MEIG1: variants seen among roughly 807,000 people sequenced by gnomAD.
MEIG1 encodes the protein meiosis/spermiogenesis associated 1, also known as meiosis expressed gene 1 protein homolog.
In MEIG1, 12 loss-of-function variants were observed where a neutral mutation model predicts 11.3. The observed-to-expected ratio is 1.07, with a 90% confidence interval of 0.68 to 1.73. The LOEUF (loss-of-function observed/expected upper bound fraction) is 1.73, where lower values mean the gene tolerates loss of function less well. Among genes scored for constraint, MEIG1 ranks in the 40% most tolerant of loss-of-function variants. MEIG1 has a pLI of 0.00. For synonymous variants in MEIG1, 41 were observed against 33.2 expected (o/e 1.24, Z -0.81); for missense variants, 119 against 104.9 (o/e 1.13, Z -0.59).
intron 1 of MEIG1, among the ~76,000 whole-genome samples, chr10:14,985,918 C>G (rs564774972): frequency 1.3e-5 from 2 of 152,010 alleles, no homozygotes; most frequent in Non-Finnish European, 2.9e-5. Context: ...GGTGTGTACA[C>G]CCTTGATATT....
intron 2 of MEIG1, among the ~76,000 whole-genome samples, chr10:14,967,076 A>T (rs1408390050): frequency 6.6e-6 from 1 of 152,028 alleles, no homozygotes; most frequent in Admixed American, 6.6e-5. Flanking sequence ...CAGAAGAATG[A>T]TTTGCAGGCA....
chr10:14,983,500 G>A (rs1843285683), intron 1 of MEIG1, among the ~76,000 whole-genome samples: 6 of 152,040 alleles, frequency 3.9e-5, no homozygotes, highest in Admixed American at 3.9e-4. Flanking sequence ...AATATCCATG[G>A]AGAGGAGAGG....
intron 2 of MEIG1, among the ~76,000 whole-genome samples, chr10:14,969,811 G>A (rs1411806395): frequency 6.6e-6 from 1 of 152,184 alleles, no homozygotes. Flanking sequence ...ACTCCAGCCT[G>A]GGCGACAGAG....
upstream of MEIG1, among the ~76,000 whole-genome samples, chr10:14,956,656 A>G (rs1038334868): frequency 6.6e-6 from 1 of 152,226 alleles, no homozygotes; most frequent in African/African-American, 2.4e-5. Context: ...AGCTGCTGCA[A>G]TACTGCAGGA....
At chr10:14,975,123 G>A (rs774393111), downstream of MEIG1, among the ~76,000 whole-genome samples, 22 of 152,080 alleles carry the variant, frequency 1.4e-4, no homozygotes, top group Non-Finnish European at 2.8e-4. Flanking sequence ...GCATCCACCC[G>A]GTGATGTTCC....
At chr10:14,972,349 T>G (rs1395131255) in intron 2 of MEIG1, among the ~76,000 whole-genome samples, 164 bp from the exon 3 acceptor site, 1 of 152,224 alleles carries the variant, frequency 6.6e-6, no homozygotes, top group African/African-American at 2.4e-5. Context: ...GGCTGCAATG[T>G]AAGATGTGTC....
intron 2 of MEIG1, among the ~76,000 whole-genome samples, chr10:14,968,358 T>C (rs1376698403): frequency 6.6e-6 from 1 of 152,022 alleles, no homozygotes; most frequent in Non-Finnish European, 1.5e-5. Context: ...CATGGTGGCA[T>C]GCACCTGTAG....
chr10:14,960,307 G>A (rs896616702), intron 1 of MEIG1, among the ~76,000 whole-genome samples: 1 of 152,360 alleles, frequency 6.6e-6, no homozygotes, highest in East Asian at 1.9e-4. Flanking sequence ...AAGTAAAAGC[G>A]CTTTTCAGAG....
chr10:14,975,853 C>T (rs1843204402), downstream of MEIG1, among the ~76,000 whole-genome samples: 1 of 152,090 alleles, frequency 6.6e-6, no homozygotes, highest in Non-Finnish European at 1.5e-5. Flanking sequence ...GATACTACAC[C>T]CAATGCCGCT....
chr10:14,977,662 C>A (rs371973963), downstream of MEIG1, among the ~76,000 whole-genome samples: 1 of 151,432 alleles, frequency 6.6e-6, no homozygotes, highest in East Asian at 2.0e-4. Flanking sequence ...GTGGGTGTAC[C>A]CCATGTGGGT....
At chr10:14,981,728 G>C (rs779902839) in intron 1 of MEIG1, among the ~76,000 whole-genome samples, 3 of 152,146 alleles carry the variant, frequency 2.0e-5, no homozygotes, top group East Asian at 1.9e-4. Flanking sequence ...GAGTCATCTT[G>C]TTTTCTTTTG....
In MEIG1 at chr10:14,960,165, ATGGCCTTGCC is replaced by A. The variant is rs567012794; in HGVS notation, c.-30+610_-30+619del. ...TTAGGAAACAGGCGCAGGCGTGTTC[ATGGCCTTGCC>A]TAAGGTTACGTGCTGGTTACAGGGC... On this transcript the variant is annotated intron_variant, in intron 1 of 2. Coordinates refer to ENST00000407572, the MANE Select transcript of MEIG1 (RefSeq NM_001080836.3). 2.6e-5 allele frequency among the ~76,000 whole-genome samples: 4 copies of A among 152,318 alleles called. No individual in the cohort carries two copies. The South Asian group carries it at 8.3e-4, about 32-fold the overall frequency.
At chr10:14,973,076 G>C (rs1589212586), downstream of MEIG1, among the ~76,000 whole-genome samples, 1 of 151,990 alleles carries the variant, frequency 6.6e-6, no homozygotes, top group African/African-American at 2.4e-5. Context: ...ACGTTGGCCA[G>C]GGTGGTCTCA....
At chr10:14,956,950 G>A (rs1253776752), upstream of MEIG1, among the ~76,000 whole-genome samples, 1 of 152,110 alleles carries the variant, frequency 6.6e-6, no homozygotes, top group African/African-American at 2.4e-5. Context: ...CAACTACTTG[G>A]GAGCTGAGGC....
intron 1 of MEIG1, among the ~76,000 whole-genome samples, chr10:14,977,900 T>C (rs778758628): frequency 3.3e-5 from 5 of 151,940 alleles, no homozygotes; most frequent in Non-Finnish European, 5.9e-5. Flanking sequence ...ATTCGTAATA[T>C]CCTAGAAAGA....
rs1843084874 is a variant in MEIG1, at chr10:14,966,436, T to C, written c.-29-4T>C. 6.4e-7 allele frequency: 1 copy of C among 1,563,858 alleles called. No individual in the cohort carries two copies. The highest frequency in any genetic ancestry group is 1.2e-5 in the South Asian group (1 of 84,198). Reference sequence around the variant, plus strand: ...TCCATTAATGTTGTTTTAACATCTTTCAGATATTATTGATAATAAGGCCTC... The same window carrying C: ...TCCATTAATGTTGTTTTAACATCTTCCAGATATTATTGATAATAAGGCCTC... On this transcript the variant is annotated splice_polypyrimidine_tract_variant and splice_region_variant and intron_variant, in intron 1 of 2. Transcript: ENST00000407572.
chr10:14,983,991 G>A (rs114277182), intron 1 of MEIG1, among the ~76,000 whole-genome samples: 1 of 152,030 alleles, frequency 6.6e-6, no homozygotes, highest in African/African-American at 2.4e-5. Context: ...GCTGCTGGGG[G>A]TATAAACACT....
intron 1 of MEIG1, among the ~76,000 whole-genome samples, chr10:14,962,750 G>T (rs1341088902): frequency 6.6e-6 from 1 of 151,694 alleles, no homozygotes; most frequent in Non-Finnish European, 1.5e-5. Flanking sequence ...ATAAAAATAT[G>T]ACTAATTTGG....
At chr10:14,967,041 C>T (rs1222856590) in intron 2 of MEIG1, among the ~76,000 whole-genome samples, 3 of 152,098 alleles carry the variant, frequency 2.0e-5, no homozygotes, top group African/African-American at 7.2e-5. Context: ...GCCAGACTCT[C>T]TCATCTTATT....
Sources: allele counts gnomAD v4.1 joint callset (sites outside exome capture counted in the v4.1 genomes callset), GRCh38; gene constraint gnomAD v4.1.1; transcripts MANE v1.5; gene names NCBI Gene and HGNC (gene_info 2026-07-23, HGNC 2026-07-21).